The following DIAPH3 variants were observed in gnomAD, a reference collection of about 807,000 sequenced individuals.
DIAPH3 encodes protein diaphanous homolog 3.
In DIAPH3, 117 loss-of-function variants were observed where a neutral mutation model predicts 144.3. The observed-to-expected ratio is 0.81, with a 90% CI of 0.70 to 0.95. The LOEUF (loss-of-function observed/expected upper bound fraction) is 0.95, where lower values mean the gene tolerates loss of function less well. Ranked by LOEUF, DIAPH3 falls within the 40% of genes least tolerant of loss-of-function variation. The pLI, the probability that DIAPH3 is intolerant of heterozygous loss-of-function variation, is 0.00. For missense variants in DIAPH3, 1,421 were observed against 1,412.7 expected (o/e 1.01, Z -0.09); for synonymous variants, 519 against 488.9 (o/e 1.06, Z -0.81).
chr13:59,872,747 T>A (rs1445504492), intron 21 of DIAPH3, among the ~76,000 whole-genome samples: 1 of 152,244 alleles, frequency 6.6e-6, no homozygotes, highest in Non-Finnish European at 1.5e-5. Flanking sequence ...ATGGTAATAT[T>A]CACCTTCGGT....
At chr13:59,795,697 C>T (rs1363574571) in intron 25 of DIAPH3, among the ~76,000 whole-genome samples, 2 of 152,094 alleles carry the variant, frequency 1.3e-5, no homozygotes, top group African/African-American at 4.8e-5. Flanking sequence ...TCGTGATCCA[C>T]CTGCCTCAGC....
intron 4 of DIAPH3, among the ~76,000 whole-genome samples, chr13:60,083,602 T>C (rs2057639092): frequency 2.0e-5 from 3 of 151,896 alleles, no homozygotes; most frequent in Admixed American, 6.6e-5. Flanking sequence ...CTGGATAAAA[T>C]AACTGAAGAT....
chr13:59,890,129 A>AGT (rs915241728), intron 20 of DIAPH3, among the ~76,000 whole-genome samples: 48 of 152,148 alleles, frequency 3.2e-4, no homozygotes, highest in African/African-American at 1.1e-3. Flanking sequence ...AGTCTTGCTC[A>AGT]GTGTATGAAC....
intron 8 of DIAPH3, 62 bp from the exon 9 acceptor site, chr13:60,008,711 G>A: frequency 9.5e-7 from 1 of 1,047,582 alleles, no homozygotes. Flanking sequence ...TAATACAATT[G>A]CTTTATCCTA....
chr13:59,858,352 C>T (rs1294755210), intron 22 of DIAPH3, among the ~76,000 whole-genome samples: 1 of 152,116 alleles, frequency 6.6e-6, no homozygotes, highest in African/African-American at 2.4e-5. Flanking sequence ...CACTAAGACA[C>T]AGACACTACA....
intron 5 of DIAPH3, among the ~76,000 whole-genome samples, chr13:60,018,144 T>C (rs368867740): frequency 3.9e-5 from 6 of 152,184 alleles, no homozygotes; most frequent in African/African-American, 1.4e-4. Context: ...TTCAATATTT[T>C]GTTTGAAGTA....
intron 5 of DIAPH3, among the ~76,000 whole-genome samples, chr13:60,017,404 C>CAAA (rs748877735): frequency 1.4e-5 from 1 of 73,792 alleles, no homozygotes; most frequent in Non-Finnish European, 3.0e-5. Flanking sequence ...AACTCCATCA[C>CAAA]AAAAAAAAAA....
intron 27 of DIAPH3, among the ~76,000 whole-genome samples, chr13:59,667,143 C>T (rs1182245052): frequency 6.6e-6 from 1 of 152,182 alleles, no homozygotes; most frequent in Non-Finnish European, 1.5e-5. Flanking sequence ...ATATTTCTTT[C>T]AGGTCTCTGT....
At chr13:59,898,151 A>AAAAAAG (rs2046230713) in intron 20 of DIAPH3, among the ~76,000 whole-genome samples, 1 of 150,416 alleles carries the variant, frequency 6.6e-6, no homozygotes, top group Non-Finnish European at 1.5e-5. Flanking sequence ...AAAAAAAAAA[A>AAAAAAG]AAAAAGAAAA....
chr13:59,863,525 C>T (rs572807135), intron 21 of DIAPH3, among the ~76,000 whole-genome samples: 14 of 152,130 alleles, frequency 9.2e-5, no homozygotes, highest in East Asian at 5.8e-4. Flanking sequence ...GGGAGATTTC[C>T]GTACCATCAG....
Position 59,666,175 on chromosome 13 carries a change from A to G in DIAPH3, c.*409T>C. The G allele has an allele frequency of 5.7e-6, 1 of 174,412 alleles. No homozygotes were observed. The highest frequency in any genetic ancestry group is 1.2e-5 in the Non-Finnish European group (1 of 82,850). The allele number at this position is 174,412 out of a possible 1,614,324, so 10.8% of individuals were successfully genotyped here. A position where few individuals can be genotyped will look rare whatever the true frequency, so the allele number is the denominator to read the frequency against. ...TATATGGAATATACATGGATATGTA[A>G]AGACTTGAGGTTGATGACCTGACAT... On this transcript the variant is annotated 3_prime_UTR_variant, in exon 28 of 28. Transcript: ENST00000400324.
chr13:59,878,447 C>T (rs1485461658), intron 21 of DIAPH3, among the ~76,000 whole-genome samples: 2 of 152,058 alleles, frequency 1.3e-5, no homozygotes, highest in Non-Finnish European at 2.9e-5. Context: ...CTGGCAATAG[C>T]AATAATCAAA....
chr13:60,011,933 T>TCA (rs2053297367), intron 7 of DIAPH3, among the ~76,000 whole-genome samples: 1 of 152,020 alleles, frequency 6.6e-6, no homozygotes, highest in African/African-American at 2.4e-5. Flanking sequence ...AAGATAACTG[T>TCA]CAAAATACAG....
chr13:60,153,813 T>G (rs1182308146), intron 1 of DIAPH3, among the ~76,000 whole-genome samples: 1 of 152,138 alleles, frequency 6.6e-6, no homozygotes, highest in East Asian at 1.9e-4. Context: ...GTAACATTAT[T>G]TTTATTATCA....
intron 27 of DIAPH3, among the ~76,000 whole-genome samples, chr13:59,762,701 G>T (rs2037665265): frequency 6.6e-6 from 1 of 151,820 alleles, no homozygotes; most frequent in Admixed American, 6.6e-5. Flanking sequence ...TGATCATTCA[G>T]ATTAATTGTA....
intron 27 of DIAPH3, among the ~76,000 whole-genome samples, chr13:59,731,265 A>G (rs1380543700): frequency 2.6e-5 from 4 of 152,222 alleles, no homozygotes; most frequent in Admixed American, 1.3e-4. Flanking sequence ...CCCAGCATCT[A>G]AAACAGGTGC....
chr13:59,941,049 A>C (rs1444402554), intron 17 of DIAPH3, among the ~76,000 whole-genome samples: 2 of 152,180 alleles, frequency 1.3e-5, no homozygotes, highest in African/African-American at 4.8e-5. Context: ...TGGGGAGAAA[A>C]GATAAACCCT....
Position 60,142,923 on chromosome 13 carries a change from C to CT in DIAPH3, c.181-9935dup, listed in dbSNP as rs139731595. On this transcript the variant is annotated intron_variant, in intron 1 of 27. Transcript: ENST00000400324. The stretch of plus-strand genomic sequence containing the variant: ...CCACCATGCCCCACATTTTTTTTTT[C>CT]TTTTTTTTTTTATAGACGGCGGTCC... Among the ~76,000 whole-genome samples the CT allele has an allele frequency of 3.5e-3, 496 of 140,328 alleles. 1 individual carries two copies. Among genetic ancestry groups the CT allele is most frequent in the African/African-American group, 9.6e-3 (372 of 38,864 alleles). 92.1% of individuals were successfully genotyped at this position (140,328 alleles called of 152,430 possible). A position where few individuals can be genotyped will look rare whatever the true frequency, so the allele number is the denominator to read the frequency against.
In DIAPH3 at chr13:59,766,822, G is replaced by T. The variant is rs570402636; in HGVS notation, c.3319+7367C>A. Among the ~76,000 whole-genome samples, 11 of 151,132 alleles carry T rather than the reference G, an allele frequency of 7.3e-5. No homozygotes were observed. In the East Asian group the frequency reaches 1.9e-3, roughly 27 times the overall value. ...AAAAAGAAAGAAAGAAAGAAAAAAA[G>T]CTCCACTCCTCCTCCAGCCAAGGCT... On this transcript the variant is annotated intron_variant, in intron 27 of 27. Coordinates refer to ENST00000400324, the MANE Select transcript of DIAPH3 (RefSeq NM_001042517.2).
Sources: gnomAD v4.1 joint callset for allele counts (sites outside exome capture counted in the v4.1 genomes callset) on GRCh38, gnomAD v4.1.1 for gene constraint, MANE v1.5 for transcripts, NCBI Gene and HGNC (gene_info 2026-07-23, HGNC 2026-07-21) for gene names.